Variants in USP31 observed in about 807,000 individuals in gnomAD.
USP31 encodes the protein ubiquitin specific peptidase 31.
Under a neutral mutation model 119.4 loss-of-function variants are expected in USP31, and 44 were observed. The ratio of observed to expected loss-of-function variants is 0.37; its 90% CI spans 0.29 to 0.47. The LOEUF (loss-of-function observed/expected upper bound fraction) is 0.47, where lower values mean the gene tolerates loss of function less well. Ranked by LOEUF, USP31 falls within the 20% of genes least tolerant of loss-of-function variation. The probability of loss-of-function intolerance (pLI) is 0.99; values close to 1 mark genes in which losing one functional copy is unlikely to be tolerated. For synonymous variants in USP31, 749 were observed against 705.6 expected (o/e 1.06, Z -0.97); for missense variants, 1,643 against 1,730.2 (o/e 0.95, Z 0.89).
intron 1 of USP31, among the ~76,000 whole-genome samples, chr16:23,132,280 C>T (rs922048009): frequency 2.0e-5 from 3 of 150,836 alleles, no homozygotes; most frequent in African/African-American, 7.3e-5. Context: ...GAGGACATAA[C>T]TTTAAATTAC....
chr16:23,143,918 G>A (rs562726665), intron 1 of USP31, among the ~76,000 whole-genome samples: 19 of 152,232 alleles, frequency 1.2e-4, no homozygotes, highest in African/African-American at 3.6e-4. Context: ...AAAAGTGCCC[G>A]TGTTGAAAAC....
At chr16:23,119,968 C>T (rs370039977) in intron 1 of USP31, among the ~76,000 whole-genome samples, 1 of 152,156 alleles carries the variant, frequency 6.6e-6, no homozygotes, top group East Asian at 1.9e-4. Flanking sequence ...CATCCTTCCC[C>T]GCACAACTTA....
rs1347597294 is a variant in USP31, at chr16:23,132,566, A to C, written c.633+16072T>G. On this transcript the variant is annotated intron_variant, in intron 1 of 15. Transcript: ENST00000219689. Reference sequence around the variant, plus strand: ...ACACAAAGGAAGACATAAAACAACTAACTCAGGAAAAGCATCTATATGATT... The same window carrying C: ...ACACAAAGGAAGACATAAAACAACTCACTCAGGAAAAGCATCTATATGATT... Among the ~76,000 whole-genome samples, 3 of 152,200 alleles carry C rather than the reference A, an allele frequency of 2.0e-5. No individual in the cohort carries two copies. In the East Asian group the frequency reaches 5.8e-4, roughly 29 times the overall value.
intron 14 of USP31, 27 bp downstream of exon 14, chr16:23,073,695 C>T: frequency 6.2e-7 from 1 of 1,605,142 alleles, no homozygotes; most frequent in Non-Finnish European, 8.5e-7. Flanking sequence ...CTGGAAAAAA[C>T]TGCCCAAGAA....
intron 11 of USP31, among the ~76,000 whole-genome samples, chr16:23,082,785 C>T (rs539043426): frequency 1.3e-5 from 2 of 151,292 alleles, no homozygotes; most frequent in South Asian, 2.1e-4. Context: ...ACGACTAAAT[C>T]GGTAAATACT....
In USP31 at chr16:23,146,670, A is replaced by G. The variant is rs1384227707; in HGVS notation, c.633+1968T>C. 4.6e-5 allele frequency among the ~76,000 whole-genome samples: 7 copies of G among 152,228 alleles called. 1 individual carries two copies. The highest frequency in any genetic ancestry group is 2.9e-5 in the Non-Finnish European group (2 of 68,048). On this transcript the variant is annotated intron_variant, in intron 1 of 15. Transcript: ENST00000219689. ...TCCAAGAAAAACAGCATTGAGCAGC[A>G]TAAGATGTAAGTAAAAAGTATTAAA...
chr16:23,088,432 T>C (rs982116413), intron 7 of USP31, among the ~76,000 whole-genome samples: 10 of 152,138 alleles, frequency 6.6e-5, no homozygotes, highest in African/African-American at 2.2e-4. Flanking sequence ...GAAATCAGTC[T>C]GGAATATGAT....
chr16:23,095,726 A>T (rs1281051177), intron 6 of USP31, among the ~76,000 whole-genome samples: 2 of 152,214 alleles, frequency 1.3e-5, no homozygotes, highest in Non-Finnish European at 2.9e-5. Flanking sequence ...TTCAACCCAA[A>T]ATTTATATCC....
intron 1 of USP31, among the ~76,000 whole-genome samples, chr16:23,110,363 G>A (rs1179812671): frequency 2.0e-5 from 3 of 152,208 alleles, no homozygotes; most frequent in Non-Finnish European, 4.4e-5. Flanking sequence ...GCTGGGCCTT[G>A]AAGATTAAGA....
chr16:23,102,382 C>G lies in USP31; in HGVS notation c.1171G>C (p.Asp391His). Residue 391 changes from aspartate (D) to histidine (H), a missense_variant, in exon 6 of 16, where the codon GAC (aspartate) becomes CAC (histidine). Around this residue, in one of 5 missense-constraint regions of USP31, gnomAD observed 219 missense variants for 226.4 expected, o/e 0.97. Transcript: ENST00000219689. ...TDDLETVHESDCIFAFETPEI... is the reference protein window; with the variant it reads ...TDDLETVHESHCIFAFETPEI... Reference sequence around the variant, plus strand: ...GGAGTCTCAAAGGCAAAAATGCAGTCGCTTTCATGGACTGTTTCCAGGTCG... The same window carrying G: ...GGAGTCTCAAAGGCAAAAATGCAGTGGCTTTCATGGACTGTTTCCAGGTCG... The G allele has an allele frequency of 6.2e-7, 1 of 1,613,970 alleles. No individual in the cohort carries two copies. Among genetic ancestry groups the G allele is most frequent in the Non-Finnish European group, 8.5e-7 (1 of 1,179,910 alleles).
In USP31 at chr16:23,149,278, GCCGCAGACACTCATCACCGCGC is replaced by G. The variant is rs1903647068; in HGVS notation, c.-30_-9del. The stretch of plus-strand genomic sequence containing the variant: ...CGCCGTTACCTTGGACATGGCGGCG[GCCGCAGACACTCATCACCGCGC>G]CCGCCCGCCCGGCCCGCGGCCCCGC... On this transcript the variant is annotated 5_prime_UTR_variant, in exon 1 of 16. It removes an upstream start codon present in the reference 5' UTR. Coordinates refer to ENST00000219689, the MANE Select transcript of USP31 (RefSeq NM_020718.4). The G allele has an allele frequency of 1.3e-5, 14 of 1,074,338 alleles. No individual in the cohort carries two copies. Among genetic ancestry groups the G allele is most frequent in the Admixed American group, 5.4e-5 (1 of 18,426 alleles). 66.6% of individuals were successfully genotyped at this position (1,074,338 alleles called of 1,614,324 possible). A position where few individuals can be genotyped will look rare whatever the true frequency, so the allele number is the denominator to read the frequency against.
In USP31 at chr16:23,069,314, G is replaced by A. The variant is rs759889804; in HGVS notation, c.2791C>T (p.Arg931Cys). The change falls in exon 16 of 16, where the codon CGC becomes TGC. Residue 931 changes from arginine to cysteine, a missense_variant. Transcript: ENST00000219689. ...SYQEPSDSHS[R>C]REHKAVGRAP... ...CGGCCCACAGCCTTGTGCTCACGGC[G>A]ACTATGACTGTCGCTTGGTTCCTGG... The A allele has an allele frequency of 4.4e-6, 7 of 1,604,784 alleles. No homozygotes were observed. The highest frequency in any genetic ancestry group is 2.2e-5 in the East Asian group (1 of 44,780).
intron 1 of USP31, among the ~76,000 whole-genome samples, chr16:23,114,188 A>G (rs1902414477): frequency 6.6e-6 from 1 of 152,204 alleles, no homozygotes; most frequent in African/African-American, 2.4e-5. Context: ...GGCCTTAAAC[A>G]GAAGGTCGGT....
intron 1 of USP31, among the ~76,000 whole-genome samples, chr16:23,119,110 T>C (rs1389924912): frequency 6.6e-6 from 1 of 151,812 alleles, no homozygotes; most frequent in Admixed American, 6.6e-5. Flanking sequence ...TTTTTCTTTT[T>C]TTTTTTTTGA....
In USP31 at chr16:23,066,542, G is replaced by C. The variant is rs964929554; in HGVS notation, c.*1504C>G. The C allele has an allele frequency of 3.3e-5, 5 of 152,130 alleles. No homozygotes were observed. Among genetic ancestry groups the C allele is most frequent in the Non-Finnish European group, 5.9e-5 (4 of 68,030 alleles). The allele number at this position is 152,130 out of a possible 1,614,324, so 9.4% of individuals were successfully genotyped here. A position where few individuals can be genotyped will look rare whatever the true frequency, so the allele number is the denominator to read the frequency against. ...TGCACCAAGGGTTCAAGAAGAACTT[G>C]AAGAGTCTGACGAAAAACGCTAATA... On this transcript the variant is annotated 3_prime_UTR_variant, in exon 16 of 16. Transcript: ENST00000219689.
At chr16:23,121,375 C>T (rs971994295) in intron 1 of USP31, among the ~76,000 whole-genome samples, 7 of 152,182 alleles carry the variant, frequency 4.6e-5, no homozygotes, top group African/African-American at 1.7e-4. Flanking sequence ...CTCCTAAAAA[C>T]CAACACAGAC....
intron 1 of USP31, among the ~76,000 whole-genome samples, chr16:23,145,313 C>T (rs1281086198): frequency 6.6e-6 from 1 of 152,178 alleles, no homozygotes; most frequent in Non-Finnish European, 1.5e-5. Context: ...ATCTCAATTT[C>T]CTTTGTAGCA....
Position 23,149,025 on chromosome 16 carries a change from G to T in USP31, c.246C>A (p.Gly82=). 8.5e-7 allele frequency: 1 copy of T among 1,171,390 alleles called. No homozygotes were observed. Among genetic ancestry groups the T allele is most frequent in the Non-Finnish European group, 1.1e-6 (1 of 929,558 alleles). 72.6% of individuals were successfully genotyped at this position (1,171,390 alleles called of 1,614,324 possible). A position where few individuals can be genotyped will look rare whatever the true frequency, so the allele number is the denominator to read the frequency against. The change falls in exon 1 of 16, where the codon GGC becomes GGA. Residue 82 remains glycine (G), a synonymous_variant. Transcript: ENST00000219689. ...LSTLSHLSSE[G]AAPDRGGLRS... Reference sequence around the variant, plus strand: ...GGAGGCCGCCGCGGTCTGGGGCGGCGCCCTCAGAGCTAAGGTGCGAGAGCG... The same window carrying T: ...GGAGGCCGCCGCGGTCTGGGGCGGCTCCCTCAGAGCTAAGGTGCGAGAGCG...
At chr16:23,096,559 G>A (rs1326324754) in intron 6 of USP31, among the ~76,000 whole-genome samples, 1 of 152,066 alleles carries the variant, frequency 6.6e-6, no homozygotes, top group African/African-American at 2.4e-5. Flanking sequence ...GCACCACATC[G>A]CACTTATTCT....
Sources: allele counts gnomAD v4.1 joint callset (sites outside exome capture counted in the v4.1 genomes callset), GRCh38; gene constraint gnomAD v4.1.1; regional missense constraint gnomAD v4.1.1; transcripts MANE v1.5; gene names NCBI Gene and HGNC (gene_info 2026-07-23, HGNC 2026-07-21).